The following LCP2 variants were observed in gnomAD, a reference collection of about 807,000 sequenced individuals.
LCP2 encodes the protein 76 kDa tyrosine phosphoprotein.
Under a neutral mutation model 74.5 loss-of-function variants are expected in LCP2, and 29 were observed. That is an observed-to-expected ratio of 0.39 (90% CI 0.29 to 0.53). The LOEUF (loss-of-function observed/expected upper bound fraction) is 0.53. LCP2 is among the 20% of genes least tolerant of loss of function. The pLI, the probability that LCP2 is intolerant of heterozygous loss-of-function variation, is 0.72. For synonymous variants in LCP2, 228 were observed against 229.5 expected (o/e 0.99, Z 0.06); for missense variants, 604 against 634.6 (o/e 0.95, Z 0.52).
At position 170,258,134 on chromosome 5, in the gene LCP2, G is replaced by T; in HGVS notation, c.1003C>A (p.Leu335Ile). 3 of 1,613,902 alleles carry T rather than the reference G, an allele frequency of 1.9e-6. No homozygotes were observed. The highest frequency in any genetic ancestry group is 2.5e-6 in the Non-Finnish European group (3 of 1,179,772). ...GGGAAAGTGTTGGAGCTCATAGGAA[G>T]TAGTGCTGGCTGGGGCAAAGGTCTC... is the stretch of plus-strand genomic sequence containing the variant. ...HQRPLPQPALLPMSSNTFPSR... is the reference protein window; with the variant it reads ...HQRPLPQPALIPMSSNTFPSR... The change falls in exon 16 of 21, where the codon CTT becomes ATT. Residue 335 changes from leucine (L) to isoleucine (I), a missense_variant. Leu to Ile is a conservative substitution (Grantham distance 5). Coordinates refer to ENST00000046794, the MANE Select transcript of LCP2 (RefSeq NM_005565.5).
chr5:170,261,455 A>ATGTG (rs1321493903), intron 13 of LCP2, among the ~76,000 whole-genome samples: 2 of 82,732 alleles, frequency 2.4e-5, no homozygotes, highest in Admixed American at 1.1e-4. Context: ...CACACACACT[A>ATGTG]TATGTATATA....
At chr5:170,264,972 A>G (rs1761723863) in intron 10 of LCP2, among the ~76,000 whole-genome samples, 1 of 138,190 alleles carries the variant, frequency 7.2e-6, no homozygotes, top group South Asian at 2.3e-4. Context: ...GTATTTCAAA[A>G]TTTGCCTTTT....
At chr5:170,290,543 C>G (rs991409831) in intron 2 of LCP2, among the ~76,000 whole-genome samples, 1 of 152,308 alleles carries the variant, frequency 6.6e-6, no homozygotes, top group South Asian at 2.1e-4. Context: ...ATTCACCATA[C>G]ACCTTCTCCT....
chr5:170,292,371 A>C (rs1217568332), intron 2 of LCP2, among the ~76,000 whole-genome samples: 1 of 152,154 alleles, frequency 6.6e-6, no homozygotes, highest in Admixed American at 6.5e-5. Flanking sequence ...TGGTGAGCTC[A>C]CCATCACTGA....
intron 8 of LCP2, chr5:170,267,285 C>G: frequency 1.7e-6 from 1 of 599,948 alleles, no homozygotes. Context: ...CTGCAGGCAG[C>G]AGAGTGAGCA....
intron 2 of LCP2, among the ~76,000 whole-genome samples, chr5:170,291,224 A>AG (rs879712493): frequency 0.07 from 10,275 of 146,542 alleles, 559 homozygotes; most frequent in African/African-American, 0.14. Context: ...GAAGGAAGGA[A>AG]GAAAGGAAGG....
intron 3 of LCP2, among the ~76,000 whole-genome samples, chr5:170,284,438 C>A (rs879336876): frequency 6.7e-6 from 1 of 148,514 alleles, no homozygotes; most frequent in Non-Finnish European, 1.5e-5. Context: ...TGCATTTGTT[C>A]CTCTGTATGT....
At chr5:170,261,389 ATGTGTGTG>A (rs1554139945) in intron 13 of LCP2, among the ~76,000 whole-genome samples, 21 of 146,274 alleles carry the variant, frequency 1.4e-4, no homozygotes, top group Admixed American at 2.7e-4. Flanking sequence ...GCAAATAATT[ATGTGTGTG>A]TGTGTGTGTG....
Position 170,248,466 on chromosome 5 carries a change from C to A in LCP2, c.*231G>T, listed in dbSNP as rs982563182. 1 of 422,600 alleles carries A rather than the reference C, an allele frequency of 2.4e-6. No individual in the cohort carries two copies. Among genetic ancestry groups the A allele is most frequent in the Non-Finnish European group, 4.3e-6 (1 of 234,742 alleles). The allele number at this position is 422,600 out of a possible 1,614,324, so 26.2% of individuals were successfully genotyped here. A position where few individuals can be genotyped will look rare whatever the true frequency, so the allele number is the denominator to read the frequency against. Reference sequence around the variant, plus strand: ...ATTATTACAGTGCACTACTAGACTTCAAGTGTGAACATGACTCATGCACTT... The same window carrying A: ...ATTATTACAGTGCACTACTAGACTTAAAGTGTGAACATGACTCATGCACTT... On this transcript the variant is annotated 3_prime_UTR_variant, in exon 21 of 21. Transcript: ENST00000046794.
At position 170,268,406 on chromosome 5, in the gene LCP2, TGGGGGCGG is replaced by T; in HGVS notation, c.592_599del (p.Pro198ThrfsTer51). On this transcript the variant is annotated frameshift_variant, in exon 8 of 21. Coordinates refer to ENST00000046794, the MANE Select transcript of LCP2 (RefSeq NM_005565.5). LOFTEE classifies it high-confidence loss of function. ...CTACCGAGTGATTCCGGCCGGCTGGTGGGGGCGGGAGGGCGGCCATCGGTCTCTGGGGG... is the reference window on the plus strand; with the variant it reads ...CTACCGAGTGATTCCGGCCGGCTGGTGAGGGCGGCCATCGGTCTCTGGGGG... 3 of 466,500 alleles carry T rather than the reference TGGGGGCGG, an allele frequency of 6.4e-6. No homozygotes were observed. Among genetic ancestry groups the T allele is most frequent in the Non-Finnish European group, 7.8e-6 (3 of 386,218 alleles). The allele number at this position is 466,500 out of a possible 1,614,324, so 28.9% of individuals were successfully genotyped here. A position where few individuals can be genotyped will look rare whatever the true frequency, so the allele number is the denominator to read the frequency against.
intron 3 of LCP2, among the ~76,000 whole-genome samples, chr5:170,286,185 G>A (rs1762180642): frequency 6.6e-6 from 1 of 152,242 alleles, no homozygotes; most frequent in African/African-American, 2.4e-5. Context: ...CGATCCCTCA[G>A]GGAATGGTGG....
chr5:170,252,471 C>A lies in LCP2; in HGVS notation c.1286G>T (p.Arg429Leu). 1.3e-6 allele frequency: 2 copies of A among 1,588,456 alleles called. No homozygotes were observed. The highest frequency in any genetic ancestry group is 2.2e-5 in the South Asian group (2 of 88,908). ...TCTAAGAGCAGCTTCTGCCTCTGGT[C>A]GGGTAATATAAGAAACGTACCACTC... ...NEEWYVSYIT[R>L]PEAEAALRKI... The change falls in exon 19 of 21, where the codon CGA becomes CTA. Residue 429 changes from arginine to leucine, a missense_variant. Coordinates refer to ENST00000046794, the MANE Select transcript of LCP2 (RefSeq NM_005565.5).
At chr5:170,268,569 CG>C in intron 7 of LCP2, 87 bp from the exon 8 acceptor site, 3 of 176,362 alleles carry the variant, frequency 1.7e-5, no homozygotes, top group South Asian at 9.7e-5. Context: ...CTCGGGGCAC[CG>C]GGGGTGCATG....
At chr5:170,268,307 T>C in intron 8 of LCP2, 78 bp downstream of exon 8, 1 of 241,684 alleles carries the variant, frequency 4.1e-6, no homozygotes, top group Admixed American at 5.7e-5. Flanking sequence ...AAGATGTTTA[T>C]AGTTTTATTT....
At chr5:170,254,632 C>G (rs996885132) in intron 17 of LCP2, among the ~76,000 whole-genome samples, 2 of 152,150 alleles carry the variant, frequency 1.3e-5, no homozygotes, top group African/African-American at 2.4e-5. Context: ...TTTTATAATG[C>G]TTGTTGAATG....
rs143257212 is a variant in LCP2 at position 170,284,670 on chromosome 5, G to A, written c.188+3300C>T. 2.1e-3 allele frequency among the ~76,000 whole-genome samples: 312 copies of A among 151,276 alleles called. 1 individual carries two copies. Among genetic ancestry groups the A allele is most frequent in the African/African-American group, 7.1e-3 (291 of 41,260 alleles). Reference sequence around the variant, plus strand: ...GTTTTATTTCTGTCTCTCCTTCCCCGCTCACATACACATTCTTTCCTCTCC... The same window carrying A: ...GTTTTATTTCTGTCTCTCCTTCCCCACTCACATACACATTCTTTCCTCTCC... On this transcript the variant is annotated intron_variant, in intron 3 of 20. Transcript: ENST00000046794.
At chr5:170,284,939 T>C (rs1242532062) in intron 3 of LCP2, among the ~76,000 whole-genome samples, 1 of 152,008 alleles carries the variant, frequency 6.6e-6, no homozygotes, top group South Asian at 2.1e-4. Context: ...TTAGTAGAGA[T>C]GGGGTTTTGT....
At chr5:170,276,081 T>C (rs909422960) in intron 3 of LCP2, among the ~76,000 whole-genome samples, 1 of 152,154 alleles carries the variant, frequency 6.6e-6, no homozygotes, top group Non-Finnish European at 1.5e-5. Flanking sequence ...CAGGAAGCCC[T>C]CTCTCCTCCT....
intron 16 of LCP2, among the ~76,000 whole-genome samples, chr5:170,257,346 G>T (rs1421232941): frequency 6.6e-6 from 1 of 152,194 alleles, no homozygotes; most frequent in African/African-American, 2.4e-5. Context: ...AGGAAACATT[G>T]TGAGAATCCT....
Sources: gnomAD v4.1 joint callset for allele counts (sites outside exome capture counted in the v4.1 genomes callset) on GRCh38, gnomAD v4.1.1 for gene constraint, MANE v1.5 for transcripts, NCBI Gene and HGNC (gene_info 2026-07-23, HGNC 2026-07-21) for gene names.